CTNND2: variants seen among roughly 807,000 people sequenced by gnomAD.
CTNND2 encodes catenin delta-2.
In CTNND2, 22 loss-of-function variants were observed where a neutral mutation model predicts 144.4. The ratio of observed to expected loss-of-function variants is 0.15; its 90% CI spans 0.11 to 0.22. The LOEUF is 0.22. CTNND2 is among the 10% of genes least tolerant of loss of function. The pLI is 1.00. For synonymous variants in CTNND2, 751 were observed against 695.6 expected (o/e 1.08, Z -1.25); for missense variants, 1,353 against 1,618.8 (o/e 0.84, Z 2.82).
chr5:11,827,592 G>A (rs1793667747), intron 1 of CTNND2, among the ~76,000 whole-genome samples: 2 of 152,056 alleles, frequency 1.3e-5, no homozygotes, highest in Non-Finnish European at 2.9e-5. Context: ...TGAAGTCAGG[G>A]AAAAACAGAA....
Position 11,776,550 on chromosome 5 carries a change from C to G in CTNND2, c.38-44278G>C, listed in dbSNP as rs569145469. Among the ~76,000 whole-genome samples, 5 of 151,954 alleles carry G rather than the reference C, an allele frequency of 3.3e-5. No homozygotes were observed. The South Asian group carries it at 1.0e-3, about 32-fold the overall frequency. On this transcript the variant is annotated intron_variant, in intron 1 of 21. Coordinates refer to ENST00000304623, the MANE Select transcript of CTNND2 (RefSeq NM_001332.4). ...GGCTTATTGCATACTTATTTTTATC[C>G]ACAGAATGAGAAACATAATATTATC...
chr5:11,792,308 C>T (rs66771109), intron 1 of CTNND2, among the ~76,000 whole-genome samples: 2 of 115,936 alleles, frequency 1.7e-5, no homozygotes, highest in African/African-American at 6.3e-5. Context: ...CACACACACA[C>T]ATATATATTT....
chr5:11,831,554 G>T (rs1793902023), intron 1 of CTNND2, among the ~76,000 whole-genome samples: 2 of 151,892 alleles, frequency 1.3e-5, no homozygotes, highest in Non-Finnish European at 2.9e-5. Context: ...TGTAGTCCCA[G>T]CTACTCGGGA....
chr5:11,281,377 T>TGTTA (rs1183678402), intron 9 of CTNND2, among the ~76,000 whole-genome samples: 1 of 152,192 alleles, frequency 6.6e-6, no homozygotes, highest in East Asian at 1.9e-4. Context: ...TCACGAGAGG[T>TGTTA]GTTAGTGCTA....
chr5:11,091,366 A>T (rs1471206325), intron 15 of CTNND2, among the ~76,000 whole-genome samples: 1 of 152,216 alleles, frequency 6.6e-6, no homozygotes, highest in Admixed American at 6.5e-5. Context: ...TTCCATGTGT[A>T]ACTTTTAAAA....
chr5:11,046,902 A>T (rs1006709665), intron 16 of CTNND2, among the ~76,000 whole-genome samples: 1 of 152,230 alleles, frequency 6.6e-6, no homozygotes, highest in African/African-American at 2.4e-5. Context: ...CAAAGCACAG[A>T]GCCAGCACTG....
intron 20 of CTNND2, among the ~76,000 whole-genome samples, chr5:10,987,908 A>T (rs1406360652): frequency 6.6e-6 from 1 of 152,118 alleles, no homozygotes; most frequent in Non-Finnish European, 1.5e-5. Flanking sequence ...ATGGGTAGAA[A>T]ACATTTTATC....
chr5:11,781,418 G>T (rs1790536072), intron 1 of CTNND2, among the ~76,000 whole-genome samples: 1 of 152,208 alleles, frequency 6.6e-6, no homozygotes, highest in African/African-American at 2.4e-5. Context: ...TTCTGAGGAA[G>T]CCAGCCTCCG....
chr5:11,728,983 T>A (rs541006933), intron 2 of CTNND2, among the ~76,000 whole-genome samples: 2 of 152,008 alleles, frequency 1.3e-5, no homozygotes, highest in Non-Finnish European at 2.9e-5. Flanking sequence ...AGGATACAAA[T>A]CCCCTAATGA....
intron 2 of CTNND2, among the ~76,000 whole-genome samples, chr5:11,702,542 C>A (rs981084620): frequency 1.3e-5 from 2 of 152,270 alleles, no homozygotes; most frequent in Admixed American, 6.5e-5. Context: ...GTGCTTCTAT[C>A]CAGAATTACT....
intron 3 of CTNND2, among the ~76,000 whole-genome samples, chr5:11,561,904 A>T (rs2150102430): frequency 6.6e-6 from 1 of 152,108 alleles, no homozygotes; most frequent in African/African-American, 2.4e-5. Context: ...AAATTAGCTG[A>T]GTGTTATGGT....
intron 1 of CTNND2, among the ~76,000 whole-genome samples, chr5:11,819,720 G>A (rs796999524): frequency 7.9e-5 from 12 of 152,180 alleles, no homozygotes; most frequent in African/African-American, 2.9e-4. Context: ...CTGTTGCCAG[G>A]GACATGGAAA....
At chr5:11,432,460 A>G in intron 3 of CTNND2, among the ~76,000 whole-genome samples, 1 of 152,144 alleles carries the variant, frequency 6.6e-6, no homozygotes, top group East Asian at 1.9e-4. Flanking sequence ...ATGAAAGGAG[A>G]ATCAAAATCA....
At chr5:11,855,469 T>C (rs1209759784) in intron 1 of CTNND2, among the ~76,000 whole-genome samples, 1 of 152,156 alleles carries the variant, frequency 6.6e-6, no homozygotes, top group Non-Finnish European at 1.5e-5. Context: ...GGGAGTTTAG[T>C]GTGTACATCC....
intron 9 of CTNND2, among the ~76,000 whole-genome samples, chr5:11,275,949 A>G (rs1026619358): frequency 1.3e-5 from 2 of 152,244 alleles, no homozygotes; most frequent in Admixed American, 6.5e-5. Context: ...ATACTTGCAC[A>G]TGATCTAAAA....
At chr5:11,507,802 A>G (rs545574966) in intron 3 of CTNND2, among the ~76,000 whole-genome samples, 11 of 152,170 alleles carry the variant, frequency 7.2e-5, no homozygotes, top group Admixed American at 2.6e-4. Context: ...GCAGCCACAG[A>G]TGGCTGGGGA....
At chr5:11,600,904 T>C (rs1779758173) in intron 2 of CTNND2, among the ~76,000 whole-genome samples, 1 of 145,178 alleles carries the variant, frequency 6.9e-6, no homozygotes, top group Admixed American at 6.6e-5. Context: ...AAGTCATCCA[T>C]GAGTGCTTGC....
chr5:11,358,518 A>G (rs1443301358), intron 8 of CTNND2, among the ~76,000 whole-genome samples: 1 of 152,232 alleles, frequency 6.6e-6, no homozygotes, highest in Non-Finnish European at 1.5e-5. Flanking sequence ...TCCAATAGGA[A>G]GCACTTGATT....
At chr5:11,210,967 A>G (rs1202494281) in intron 10 of CTNND2, among the ~76,000 whole-genome samples, 1 of 152,176 alleles carries the variant, frequency 6.6e-6, no homozygotes, top group Non-Finnish European at 1.5e-5. Flanking sequence ...CAATAATGAA[A>G]ACTGGAGGCG....
Sources: gnomAD v4.1 joint callset for allele counts (sites outside exome capture counted in the v4.1 genomes callset) on GRCh38, gnomAD v4.1.1 for gene constraint, MANE v1.5 for transcripts, NCBI Gene and HGNC (gene_info 2026-07-23, HGNC 2026-07-21) for gene names.